PHIP: variants seen among roughly 807,000 people sequenced by gnomAD.
PHIP encodes the protein PHIP subunit of CUL4-Ring ligase complex.
A neutral mutation model predicts 236.8 loss-of-function variants in PHIP; 54 were observed. The ratio of observed to expected loss-of-function variants is 0.23; its 90% CI spans 0.18 to 0.29. The LOEUF (loss-of-function observed/expected upper bound fraction) is 0.29. Among genes scored for constraint, PHIP ranks in the 10% least tolerant of loss-of-function variants. The pLI is 1.00. For synonymous variants in PHIP, 756 were observed against 718.9 expected, an observed-to-expected ratio of 1.05 and a Z score of -0.83; for missense variants, 1,370 against 2,190.8, an observed-to-expected ratio of 0.63 and a Z score of 7.48.
chr6:78,951,320 C>T (rs1273748645), intron 35 of PHIP, among the ~76,000 whole-genome samples: 1 of 152,120 alleles, frequency 6.6e-6, no homozygotes, highest in African/African-American at 2.4e-5. Flanking sequence ...CTGCTCAATA[C>T]AATTCTGTTG....
chr6:78,998,531 G>A, intron 17 of PHIP, 140 bp from the exon 18 acceptor site: 5 of 563,544 alleles, frequency 8.9e-6, no homozygotes, highest in African/African-American at 1.9e-5. Flanking sequence ...ATAAATGATG[G>A]GAGTTAAAAA....
At chr6:79,060,924 T>G in intron 4 of PHIP, 106 bp from the exon 5 acceptor site, 2 of 700,622 alleles carry the variant, frequency 2.9e-6, no homozygotes, top group Non-Finnish European at 4.6e-6. Context: ...TATTTTGTTT[T>G]GCGTCTTTGA....
At chr6:79,015,055 G>A (rs1582224922) in intron 15 of PHIP, 27 bp downstream of exon 15, 2 of 1,588,148 alleles carry the variant, frequency 1.3e-6, no homozygotes, top group Non-Finnish European at 1.7e-6. Flanking sequence ...TCTTTAGTAG[G>A]TATAAAATGA....
At chr6:78,995,895 T>A (rs955268063) in intron 19 of PHIP, among the ~76,000 whole-genome samples, 1 of 152,104 alleles carries the variant, frequency 6.6e-6, no homozygotes, top group Non-Finnish European at 1.5e-5. Context: ...ATAGGATGAG[T>A]ACAAAGTTTT....
intron 4 of PHIP, among the ~76,000 whole-genome samples, chr6:79,065,349 G>C (rs1013052422): frequency 6.6e-6 from 1 of 152,124 alleles, no homozygotes. Context: ...GCCCAGAAAT[G>C]CATGTATGGT....
intron 20 of PHIP, among the ~76,000 whole-genome samples, chr6:78,989,961 A>G (rs1278790686): frequency 2.0e-5 from 3 of 152,202 alleles, no homozygotes; most frequent in African/African-American, 4.8e-5. Context: ...TACTGATCCC[A>G]GGGTATGATA....
rs1181119877 is a variant in PHIP at position 79,077,875 on chromosome 6, G to A, written c.79C>T (p.Pro27Ser). The stretch of plus-strand genomic sequence containing the variant: ...CGTACCTGAGCCGCCTGCTGACAGG[G>A]TCCATCTTCCAGGAACCGGGCGATG... The part of the protein sequence containing the change: ...FLIARFLEDG[P>S]CQQAAQVLIR... Residue 27 changes from proline to serine, a missense_variant, in exon 2 of 40, where the codon CCC becomes TCC. Transcript: ENST00000275034. 2 of 1,575,850 alleles carry A rather than the reference G, an allele frequency of 1.3e-6. No individual in the cohort carries two copies. Among genetic ancestry groups the A allele is most frequent in the Non-Finnish European group, 1.7e-6 (2 of 1,163,242 alleles).
intron 16 of PHIP, among the ~76,000 whole-genome samples, chr6:79,003,501 T>G (rs1770123198): frequency 6.6e-6 from 1 of 152,054 alleles, no homozygotes; most frequent in Non-Finnish European, 1.5e-5. Flanking sequence ...AAGAGTTATT[T>G]TTTTCCTGAA....
intron 3 of PHIP, 51 bp downstream of exon 3, chr6:79,077,649 C>T (rs1774247764): frequency 1.1e-6 from 1 of 943,272 alleles, no homozygotes; most frequent in African/African-American, 1.8e-5. Flanking sequence ...GCGCAGCGGC[C>T]CAGAGGCGGC....
At chr6:79,037,422 T>C (rs1771994982) in intron 7 of PHIP, among the ~76,000 whole-genome samples, 1 of 152,188 alleles carries the variant, frequency 6.6e-6, no homozygotes, top group Admixed American at 6.5e-5. Context: ...CCAGAGCTAG[T>C]GAAGTTAACA....
intron 39 of PHIP, among the ~76,000 whole-genome samples, chr6:78,943,374 G>A (rs916279476): frequency 3.9e-5 from 6 of 152,048 alleles, no homozygotes; most frequent in African/African-American, 1.2e-4. Context: ...CCAGACCTCC[G>A]CTATCATAAT....
rs185127362 is a variant in PHIP, at chr6:78,991,470, G to A, written c.2202-485C>T. ...AGAGACAGGGAGGTCAGGTTTCACC[G>A]ACTGAAAAAACTCAAACCATCAAGG... On this transcript the variant is annotated intron_variant, in intron 19 of 39. Transcript: ENST00000275034. Among the ~76,000 whole-genome samples the A allele has an allele frequency of 8.5e-5, 13 of 152,180 alleles. No homozygotes were observed. The East Asian group carries it at 1.5e-3, about 18-fold the overall frequency.
chr6:78,958,490 A>G lies in PHIP; in HGVS notation c.3767T>C (p.Leu1256Pro). 6.5e-7 allele frequency: 1 copy of G among 1,534,256 alleles called. No individual in the cohort carries two copies. Among genetic ancestry groups the G allele is most frequent in the Non-Finnish European group, 9.0e-7 (1 of 1,108,870 alleles). Reference sequence around the variant, plus strand: ...GATAACTTACTTTATAAAATGTAGAAGAAGATCAGTCACGAATTTAGCAGA... The same window carrying G: ...GATAACTTACTTTATAAAATGTAGAGGAAGATCAGTCACGAATTTAGCAGA... ...VKSAKFVTDL[L>P]LHFIKDQTCY... The change falls in exon 32 of 40, where the codon CTT becomes CCT. Residue 1256 changes from leucine (L) to proline (P), a missense_variant. This residue lies in a region of PHIP where 38 missense variants were observed against 27.6 expected (regional missense o/e 1.38). Transcript: ENST00000275034.
intron 6 of PHIP, among the ~76,000 whole-genome samples, chr6:79,056,906 G>A (rs1448304565): frequency 1.3e-5 from 2 of 152,138 alleles, no homozygotes; most frequent in Non-Finnish European, 2.9e-5. Flanking sequence ...AATGAATAAT[G>A]TAGAACTCCA....
chr6:78,970,064 C>A lies in PHIP; in HGVS notation c.3107G>T (p.Gly1036Val). 6.2e-7 allele frequency: 1 copy of A among 1,613,528 alleles called. No homozygotes were observed. The highest frequency in any genetic ancestry group is 8.5e-7 in the Non-Finnish European group (1 of 1,179,690). The change falls in exon 26 of 40, where the codon GGA (glycine) becomes GTA (valine). Residue 1036 changes from glycine (G) to valine (V), a missense_variant. This residue lies in a region of PHIP where 238 missense variants were observed against 398.5 expected (regional missense o/e 0.60). Coordinates refer to ENST00000275034, the MANE Select transcript of PHIP (RefSeq NM_017934.7). ...LDPDTGKLTGGSFTMKYHDMP... is the reference protein window; with the variant it reads ...LDPDTGKLTGVSFTMKYHDMP... ...CAGTCCTTACTTCATGGTAAATGAT[C>A]CGCCAGTCAGTTTACCAGTATCAGG...
chr6:78,964,348 A>T (rs1300074800), intron 29 of PHIP, among the ~76,000 whole-genome samples: 1 of 152,190 alleles, frequency 6.6e-6, no homozygotes, highest in African/African-American at 2.4e-5. Flanking sequence ...ATTTTCTCCA[A>T]CAGTTATTTT....
chr6:78,981,487 C>T (rs1768528655), intron 23 of PHIP, among the ~76,000 whole-genome samples: 1 of 151,956 alleles, frequency 6.6e-6, no homozygotes, highest in African/African-American at 2.4e-5. Context: ...CATCCTATCA[C>T]AATACTTTGT....
At chr6:78,944,204 G>T (rs1773677212) in intron 39 of PHIP, among the ~76,000 whole-genome samples, 1 of 152,032 alleles carries the variant, frequency 6.6e-6, no homozygotes, top group East Asian at 1.9e-4. Context: ...AAGAGAGAAA[G>T]AAGGTAAAAG....
At chr6:79,029,847 A>C (rs1771584670) in intron 7 of PHIP, among the ~76,000 whole-genome samples, 1 of 152,172 alleles carries the variant, frequency 6.6e-6, no homozygotes, top group South Asian at 2.1e-4. Flanking sequence ...AGAATGAATT[A>C]AAAATCGATA....
Sources: allele counts gnomAD v4.1 joint callset (sites outside exome capture counted in the v4.1 genomes callset), GRCh38; gene constraint gnomAD v4.1.1; regional missense constraint gnomAD v4.1.1; transcripts MANE v1.5; gene names NCBI Gene and HGNC (gene_info 2026-07-23, HGNC 2026-07-21).